FRS2: variants seen among roughly 807,000 people sequenced by gnomAD.
FRS2 encodes fibroblast growth factor receptor substrate 2.
FRS2 carries 8 observed loss-of-function variants against 43.9 expected under a neutral mutation model. The ratio of observed to expected loss-of-function variants is 0.18; its 90% CI spans 0.11 to 0.33. The LOEUF (loss-of-function observed/expected upper bound fraction) is 0.33. Among genes scored for constraint, FRS2 ranks in the 10% least tolerant of loss-of-function variants. The pLI is 1.00. For missense variants in FRS2, 534 were observed against 627.6 expected (o/e 0.85, Z 1.59); for synonymous variants, 219 against 220.3 (o/e 0.99, Z 0.05).
chr12:69,574,418 C>T lies in FRS2; in HGVS notation c.990C>T (p.Thr330=), dbSNP rs1881029400. Residue 330 remains threonine (T), a synonymous_variant, in exon 9 of 9, where the codon ACC becomes ACT. Coordinates refer to ENST00000549921, the MANE Select transcript of FRS2 (RefSeq NM_001278356.2). ...VRRGRLTSTS[T]SDTQNINNSA... Reference sequence around the variant, plus strand: ...GAGGTCGTCTGACATCCACCAGTACCTCAGATACCCAGAATATCAACAACT... The same window carrying T: ...GAGGTCGTCTGACATCCACCAGTACTTCAGATACCCAGAATATCAACAACT... The T allele has an allele frequency of 6.2e-6, 10 of 1,613,866 alleles. No homozygotes were observed. Among genetic ancestry groups the T allele is most frequent in the Admixed American group, 1.7e-5 (1 of 59,998 alleles).
Position 69,574,463 on chromosome 12 carries a change from A to G in FRS2, c.1035A>G (p.Ala345=), listed in dbSNP as rs756960527. Residue 345 remains alanine, a synonymous_variant, in exon 9 of 9, where the codon GCA becomes GCG. Coordinates refer to ENST00000549921, the MANE Select transcript of FRS2 (RefSeq NM_001278356.2). The part of the protein sequence containing the change: ...NINNSAQRRT[A]LLNYENLPSL... ...ACAACTCAGCTCAGAGAAGAACTGC[A>G]TTATTAAACTATGAAAATCTACCAT... 6.2e-6 allele frequency: 10 copies of G among 1,613,884 alleles called. No individual in the cohort carries two copies. The South Asian group carries it at 9.9e-5, about 16-fold the overall frequency.
chr12:69,545,381 C>T (rs1407915843), intron 3 of FRS2, among the ~76,000 whole-genome samples: 1 of 152,184 alleles, frequency 6.6e-6, no homozygotes. Flanking sequence ...GATTTAAAAA[C>T]TTAACTACAA....
chr12:69,524,332 G>A (rs1408535762), intron 1 of FRS2, among the ~76,000 whole-genome samples: 4 of 152,112 alleles, frequency 2.6e-5, no homozygotes, highest in African/African-American at 9.7e-5. Flanking sequence ...CACACATGCT[G>A]GCAAAGTGAT....
intron 1 of FRS2, among the ~76,000 whole-genome samples, chr12:69,472,004 C>CAA (rs1870341598): frequency 6.6e-6 from 1 of 152,190 alleles, no homozygotes; most frequent in Non-Finnish European, 1.5e-5. Flanking sequence ...TTTGAACAGG[C>CAA]AAAGGGTAGA....
At chr12:69,530,528 C>T (rs995302710) in intron 1 of FRS2, among the ~76,000 whole-genome samples, 1 of 152,070 alleles carries the variant, frequency 6.6e-6, no homozygotes, top group Non-Finnish European at 1.5e-5. Context: ...TGCTTGAGTG[C>T]AGGAGTTCAA....
At chr12:69,503,923 G>T (rs1873690869) in intron 1 of FRS2, among the ~76,000 whole-genome samples, 1 of 152,048 alleles carries the variant, frequency 6.6e-6, no homozygotes, top group Admixed American at 6.6e-5. Context: ...TTAAAATTTG[G>T]CTGGGCCCGG....
chr12:69,547,158 G>T (rs1366691966), intron 3 of FRS2, among the ~76,000 whole-genome samples: 4 of 152,212 alleles, frequency 2.6e-5, no homozygotes, highest in African/African-American at 7.2e-5. Context: ...GAAGGAGGTA[G>T]TATAGTCAAA....
rs780938687 is a variant in FRS2 at position 69,574,252 on chromosome 12, A to G, written c.824A>G (p.Gln275Arg). The G allele has an allele frequency of 2.7e-5, 43 of 1,614,062 alleles. No homozygotes were observed. The highest frequency in any genetic ancestry group is 3.6e-5 in the Non-Finnish European group (43 of 1,179,984). The change falls in exon 9 of 9, where the codon CAA (glutamine) becomes CGA (arginine). Residue 275 changes from glutamine (Q) to arginine (R), a missense_variant. Around this residue, in one of 3 missense-constraint regions of FRS2, gnomAD observed 446 missense variants for 494.2 expected, o/e 0.90. Coordinates refer to ENST00000549921, the MANE Select transcript of FRS2 (RefSeq NM_001278356.2). ...AAACTGGAGCAACTTGGAAGAGATC[A>G]AGTTAGTGGAAGTGGAGCAAATAAC... The part of the protein sequence containing the change: ...KEKLEQLGRD[Q>R]VSGSGANNTE...
Position 69,540,133 on chromosome 12 carries a change from G to A in FRS2, c.-122+8077G>A, listed in dbSNP as rs138790806. 3.7e-3 allele frequency among the ~76,000 whole-genome samples: 557 copies of A among 148,584 alleles called. 25 individuals are homozygous for A. In the East Asian group the frequency reaches 0.088, roughly 23 times the overall value. On this transcript the variant is annotated intron_variant, in intron 3 of 8. Coordinates refer to ENST00000549921, the MANE Select transcript of FRS2 (RefSeq NM_001278356.2). ...CTGGGTGTGGTGGTGCGCGCCTGTA[G>A]TTCCAGCTACTAGGGAGGCTGAGGC...
Position 69,548,749 on chromosome 12 carries a change from G to C in FRS2, c.-121-13431G>C, listed in dbSNP as rs557745655. ...TGGCCAGGTTTGCTGGGAACACCAGGCTGTTAGGAACAGCTCTTAACACTC... is the reference window on the plus strand; with the variant it reads ...TGGCCAGGTTTGCTGGGAACACCAGCCTGTTAGGAACAGCTCTTAACACTC... On this transcript the variant is annotated intron_variant, in intron 3 of 8. Coordinates refer to ENST00000549921, the MANE Select transcript of FRS2 (RefSeq NM_001278356.2). Among the ~76,000 whole-genome samples the C allele has an allele frequency of 2.6e-5, 4 of 152,310 alleles. 1 individual carries two copies. The highest frequency in any genetic ancestry group is 2.6e-4 in the Admixed American group (4 of 15,306).
At chr12:69,516,714 G>T (rs962631096) in intron 1 of FRS2, among the ~76,000 whole-genome samples, 3 of 152,048 alleles carry the variant, frequency 2.0e-5, no homozygotes, top group African/African-American at 7.2e-5. Context: ...ATCTTTCCTA[G>T]CATATAACTT....
At chr12:69,568,647 C>A (rs1202947357) in intron 4 of FRS2, among the ~76,000 whole-genome samples, 2 of 151,956 alleles carry the variant, frequency 1.3e-5, no homozygotes. Context: ...TGATAAGCCA[C>A]AAAGGGTTAA....
chr12:69,501,848 T>C (rs1330716876), intron 1 of FRS2, among the ~76,000 whole-genome samples: 2 of 152,222 alleles, frequency 1.3e-5, no homozygotes, highest in African/African-American at 4.8e-5. Flanking sequence ...ATTCTATTGT[T>C]GTTGATATAT....
At chr12:69,500,640 A>C (rs895660880) in intron 1 of FRS2, among the ~76,000 whole-genome samples, 2 of 152,298 alleles carry the variant, frequency 1.3e-5, no homozygotes, top group East Asian at 3.9e-4. Context: ...TCAGTAAATG[A>C]CATTTGTAGA....
intron 1 of FRS2, among the ~76,000 whole-genome samples, chr12:69,483,588 A>G (rs902467448): frequency 6.6e-6 from 1 of 152,066 alleles, no homozygotes; most frequent in African/African-American, 2.4e-5. Flanking sequence ...CTTATAGTAT[A>G]TACTCAATTT....
chr12:69,475,276 C>T (rs902785532), intron 1 of FRS2, among the ~76,000 whole-genome samples: 1 of 152,030 alleles, frequency 6.6e-6, no homozygotes, highest in Non-Finnish European at 1.5e-5. Flanking sequence ...TAATACATTC[C>T]TTTTGTTTTT....
chr12:69,474,466 C>T (rs1870585696), intron 1 of FRS2, among the ~76,000 whole-genome samples: 1 of 151,906 alleles, frequency 6.6e-6, no homozygotes, highest in South Asian at 2.1e-4. Flanking sequence ...CTGTTTAAAA[C>T]AGAAGGAAAT....
At chr12:69,482,008 T>C (rs1384274037) in intron 1 of FRS2, among the ~76,000 whole-genome samples, 7 of 151,546 alleles carry the variant, frequency 4.6e-5, no homozygotes, top group African/African-American at 1.5e-4. Context: ...TTTTTTTTTT[T>C]CCTTAGTGAA....
intron 1 of FRS2, among the ~76,000 whole-genome samples, chr12:69,482,258 T>A (rs1436611118): frequency 6.6e-6 from 1 of 152,172 alleles, no homozygotes; most frequent in African/African-American, 2.4e-5. Context: ...TGAGGCAGAT[T>A]TTTTGATACC....
Sources: gnomAD v4.1 joint callset for allele counts (sites outside exome capture counted in the v4.1 genomes callset) on GRCh38, gnomAD v4.1.1 for gene constraint, gnomAD v4.1.1 regional missense constraint, MANE v1.5 for transcripts, NCBI Gene and HGNC (gene_info 2026-07-23, HGNC 2026-07-21) for gene names.